Variants in WWOX observed in about 807,000 individuals in gnomAD.
WWOX encodes the protein WW domain containing oxidoreductase, also known as WW domain-containing oxidoreductase.
Under a neutral mutation model 46.2 loss-of-function variants are expected in WWOX, and 69 were observed. The observed-to-expected ratio is 1.49, with a 90% confidence interval of 1.23 to 1.82. WWOX has a LOEUF of 1.82. Among genes scored for constraint, WWOX ranks in the 40% most tolerant of loss-of-function variants. WWOX has a pLI of 0.00. For synonymous variants in WWOX, 359 were observed against 202.6 expected (o/e 1.77, Z -6.56); for missense variants, 919 against 542.6 (o/e 1.69, Z -6.89).
intron 5 of WWOX, among the ~76,000 whole-genome samples, chr16:78,218,410 T>A (rs1381841972): frequency 6.6e-6 from 1 of 152,072 alleles, no homozygotes; most frequent in East Asian, 1.9e-4. Context: ...CTTAATGTCT[T>A]TGACAATTCA....
intron 8 of WWOX, among the ~76,000 whole-genome samples, chr16:78,679,423 G>T (rs1357747079): frequency 6.6e-6 from 1 of 151,984 alleles, no homozygotes; most frequent in African/African-American, 2.4e-5. Context: ...TGGTGGTGTG[G>T]GCCTGTAATC....
In WWOX at chr16:78,422,682, TATACACACACACACACAC is replaced by T. The variant is rs1297770632; in HGVS notation, c.606-2184_606-2167del. Among the ~76,000 whole-genome samples the T allele has an allele frequency of 2.1e-4, 16 of 74,438 alleles. 1 individual carries two copies. Among genetic ancestry groups the T allele is most frequent in the African/African-American group, 1.2e-3 (16 of 13,234 alleles). 48.8% of individuals were successfully genotyped at this position (74,438 alleles called of 152,430 possible). On this transcript the variant is annotated intron_variant, in intron 6 of 8. Coordinates refer to ENST00000566780, the MANE Select transcript of WWOX (RefSeq NM_016373.4). Reference sequence around the variant, plus strand: ...TTACATGTATATATATATATATATATATACACACACACACACACATATATATATACACACACACATATA... The same window carrying T: ...TTACATGTATATATATATATATATATATATATATATACACACACACATATA...
chr16:78,278,330 A>C (rs573926190), intron 5 of WWOX, among the ~76,000 whole-genome samples: 9 of 152,140 alleles, frequency 5.9e-5, no homozygotes, highest in Admixed American at 2.0e-4. Flanking sequence ...AGCAGTGTTC[A>C]AGGTTGTCAG....
intron 8 of WWOX, among the ~76,000 whole-genome samples, chr16:78,677,409 C>A (rs750092785): frequency 8.5e-5 from 13 of 152,302 alleles, no homozygotes; most frequent in African/African-American, 1.2e-4. Context: ...TGAAAACTTG[C>A]AATGGCTTGC....
intron 5 of WWOX, among the ~76,000 whole-genome samples, chr16:78,357,663 G>C (rs990630502): frequency 6.6e-6 from 1 of 152,166 alleles, no homozygotes; most frequent in African/African-American, 2.4e-5. Flanking sequence ...GATTATCATT[G>C]TTAGGATGGT....
At position 78,900,319 on chromosome 16, in the gene WWOX, C is replaced by G. The variant is rs1418204797; in HGVS notation, c.1057-311289C>G. Among the ~76,000 whole-genome samples, 4 of 152,220 alleles carry G rather than the reference C, an allele frequency of 2.6e-5. No individual in the cohort carries two copies. In the East Asian group the frequency reaches 5.8e-4, roughly 22 times the overall value. On this transcript the variant is annotated intron_variant, in intron 8 of 8. Transcript: ENST00000566780. ...CTCCATACACTGAACATGTTGAAAT[C>G]TATGCCTTAAGCCCAAATGAGCTGT...
intron 8 of WWOX, among the ~76,000 whole-genome samples, chr16:78,839,569 A>T (rs888261532): frequency 2.0e-5 from 3 of 152,268 alleles, no homozygotes; most frequent in African/African-American, 7.2e-5. Flanking sequence ...AATATTACTT[A>T]TGTCTATGAA....
rs1392246150 is a variant in WWOX at position 78,424,932 on chromosome 16, A to G, written c.668A>G (p.Asp223Gly). ...GCTCTACCCTGGAGTCTCACCAAAG[A>G]TGGCCTGGAGACCACCTTTCAAGTG... Reference protein sequence around the residue: ...TFALPWSLTKDGLETTFQVNH... With the variant: ...TFALPWSLTKGGLETTFQVNH... Residue 223 changes from aspartate to glycine, a missense_variant, in exon 7 of 9, where the codon GAT (aspartate) becomes GGT (glycine). Physicochemically the swap from Asp to Gly is moderately conservative, Grantham distance 94. Transcript: ENST00000566780. The G allele has an allele frequency of 2.5e-6, 4 of 1,614,054 alleles. No homozygotes were observed. Among genetic ancestry groups the G allele is most frequent in the Admixed American group, 1.7e-5 (1 of 59,998 alleles).
intron 8 of WWOX, among the ~76,000 whole-genome samples, chr16:78,894,670 A>C (rs1392009575): frequency 6.6e-6 from 1 of 152,168 alleles, no homozygotes; most frequent in Non-Finnish European, 1.5e-5. Flanking sequence ...TGTGTGTCTC[A>C]AGGTGGAGAG....
At chr16:78,844,153 G>C in intron 8 of WWOX, among the ~76,000 whole-genome samples, 1 of 152,052 alleles carries the variant, frequency 6.6e-6, no homozygotes, top group East Asian at 1.9e-4. Flanking sequence ...TGTTTATTTA[G>C]CCAAGTAAAA....
chr16:78,673,100 G>T (rs2047506045), intron 8 of WWOX, among the ~76,000 whole-genome samples: 1 of 152,216 alleles, frequency 6.6e-6, no homozygotes, highest in South Asian at 2.1e-4. Flanking sequence ...GGGAAATAGG[G>T]TACGCTGAAG....
At chr16:78,539,146 T>A (rs903361405) in intron 8 of WWOX, among the ~76,000 whole-genome samples, 1 of 152,224 alleles carries the variant, frequency 6.6e-6, no homozygotes, top group Non-Finnish European at 1.5e-5. Context: ...TGATGTTTTA[T>A]TGAATTTTGG....
At chr16:78,391,588 A>T (rs1274623973) in intron 6 of WWOX, among the ~76,000 whole-genome samples, 1 of 152,174 alleles carries the variant, frequency 6.6e-6, no homozygotes, top group African/African-American at 2.4e-5. Context: ...TGGCTCACAC[A>T]TGTAATCCCA....
chr16:78,618,462 C>T (rs531867559), intron 8 of WWOX, among the ~76,000 whole-genome samples: 20 of 152,250 alleles, frequency 1.3e-4, no homozygotes, highest in African/African-American at 3.6e-4. Flanking sequence ...CCTCTGTGTG[C>T]GTTTGCATCC....
At chr16:78,840,637 C>G (rs369861715) in intron 8 of WWOX, among the ~76,000 whole-genome samples, 4 of 151,530 alleles carry the variant, frequency 2.6e-5, no homozygotes, top group Non-Finnish European at 4.4e-5. Flanking sequence ...CATAAATCAC[C>G]GAGGGATCTT....
intron 6 of WWOX, among the ~76,000 whole-genome samples, chr16:78,411,483 G>A (rs1321386146): frequency 1.3e-5 from 2 of 152,082 alleles, no homozygotes; most frequent in African/African-American, 4.8e-5. Context: ...TCAAGTGAGG[G>A]GCGTACTCAT....
intron 8 of WWOX, among the ~76,000 whole-genome samples, chr16:79,046,753 T>A (rs2048072968): frequency 6.6e-6 from 1 of 152,152 alleles, no homozygotes; most frequent in Non-Finnish European, 1.5e-5. Flanking sequence ...CAAAAAGAAA[T>A]CCAGGGCTGG....
intron 7 of WWOX, among the ~76,000 whole-genome samples, chr16:78,430,563 C>G (rs1239398287): frequency 6.6e-6 from 1 of 152,258 alleles, no homozygotes; most frequent in Non-Finnish European, 1.5e-5. Flanking sequence ...GCTACCATCA[C>G]CAGCAGTCAT....
At chr16:78,985,878 G>T (rs2046775028) in intron 8 of WWOX, among the ~76,000 whole-genome samples, 1 of 152,230 alleles carries the variant, frequency 6.6e-6, no homozygotes, top group Non-Finnish European at 1.5e-5. Flanking sequence ...ATTCCAAATG[G>T]CTGCCTTCTG....
Sources: gnomAD v4.1 joint callset for allele counts (sites outside exome capture counted in the v4.1 genomes callset) on GRCh38, gnomAD v4.1.1 for gene constraint, MANE v1.5 for transcripts, NCBI Gene and HGNC (gene_info 2026-07-23, HGNC 2026-07-21) for gene names.